Variants in LSAMP observed in about 807,000 individuals in gnomAD.
LSAMP encodes limbic system-associated membrane protein.
LSAMP carries 7 observed loss-of-function variants against 38.6 expected under a neutral mutation model. The ratio of observed to expected loss-of-function variants is 0.18; its 90% CI spans 0.10 to 0.34. The LOEUF (loss-of-function observed/expected upper bound fraction) is 0.34. Among genes scored for constraint, LSAMP ranks in the 10% least tolerant of loss-of-function variants. The pLI is 1.00. For missense variants in LSAMP, 313 were observed against 420.0 expected (o/e 0.75, Z 2.23); for synonymous variants, 154 against 166.8 (o/e 0.92, Z 0.59).
chr3:116,279,735 A>G (rs2047102459), intron 1 of LSAMP, among the ~76,000 whole-genome samples: 1 of 152,222 alleles, frequency 6.6e-6, no homozygotes, highest in Admixed American at 6.5e-5. Context: ...TTGAATTTTG[A>G]AAATCTGTTT....
At chr3:116,258,326 T>C (rs1388973241) in intron 1 of LSAMP, among the ~76,000 whole-genome samples, 1 of 151,064 alleles carries the variant, frequency 6.6e-6, no homozygotes, top group Non-Finnish European at 1.5e-5. Flanking sequence ...AAATATCTTT[T>C]ATTATCTGAG....
At chr3:116,073,271 G>C (rs979202595) in intron 2 of LSAMP, among the ~76,000 whole-genome samples, 3 of 152,110 alleles carry the variant, frequency 2.0e-5, no homozygotes, top group Admixed American at 6.5e-5. Flanking sequence ...CTATGTGTCT[G>C]TTTTTGTACC....
chr3:116,124,613 C>T (rs756847508), intron 1 of LSAMP, among the ~76,000 whole-genome samples: 6 of 152,092 alleles, frequency 3.9e-5, no homozygotes, highest in Non-Finnish European at 5.9e-5. Context: ...TTTGGGAAAA[C>T]GTTTCTGGGC....
intron 3 of LSAMP, among the ~76,000 whole-genome samples, chr3:115,913,154 A>G (rs533889058): frequency 6.6e-6 from 1 of 152,346 alleles, no homozygotes; most frequent in South Asian, 2.1e-4. Flanking sequence ...CCATAGCACA[A>G]GTCTATAGCG....
At chr3:116,375,702 G>A (rs978815655) in intron 1 of LSAMP, among the ~76,000 whole-genome samples, 4 of 151,848 alleles carry the variant, frequency 2.6e-5, no homozygotes, top group African/African-American at 9.7e-5. Context: ...AACATTTACA[G>A]TTGAGGATCA....
At chr3:116,199,391 A>G (rs1256384915) in intron 1 of LSAMP, among the ~76,000 whole-genome samples, 3 of 152,170 alleles carry the variant, frequency 2.0e-5, no homozygotes, top group Non-Finnish European at 4.4e-5. Context: ...CCTCTTTTAC[A>G]CTAGTATTAT....
rs1049525334 is a variant in LSAMP, at chr3:116,268,606, T to C, written c.155+176271A>G. 3.3e-5 allele frequency among the ~76,000 whole-genome samples: 5 copies of C among 152,248 alleles called. No individual in the cohort carries two copies. The East Asian group carries it at 5.8e-4, about 18-fold the overall frequency. On this transcript the variant is annotated intron_variant, in intron 1 of 6. Coordinates refer to ENST00000490035, the MANE Select transcript of LSAMP (RefSeq NM_002338.5). ...CACTTTTTGGTGAACTTGGCAAACATAGAGTCTCTCCCCCTTTGGTTAGAC... is the reference window on the plus strand; with the variant it reads ...CACTTTTTGGTGAACTTGGCAAACACAGAGTCTCTCCCCCTTTGGTTAGAC...
At chr3:116,034,342 C>A (rs1178056544) in intron 2 of LSAMP, among the ~76,000 whole-genome samples, 2 of 152,008 alleles carry the variant, frequency 1.3e-5, no homozygotes. Context: ...TGATTCTCAG[C>A]CCATATCTCT....
At chr3:116,418,855 C>T (rs1178709507) in intron 1 of LSAMP, among the ~76,000 whole-genome samples, 1 of 152,070 alleles carries the variant, frequency 6.6e-6, no homozygotes, top group Non-Finnish European at 1.5e-5. Context: ...CGCTTGAGCT[C>T]CCCCAGGTTT....
At chr3:116,080,067 C>T (rs937268017) in intron 2 of LSAMP, among the ~76,000 whole-genome samples, 3 of 152,022 alleles carry the variant, frequency 2.0e-5, no homozygotes, top group Non-Finnish European at 2.9e-5. Context: ...TATGATATTG[C>T]GTAAATCCAA....
intron 1 of LSAMP, among the ~76,000 whole-genome samples, chr3:116,157,706 TAATAAA>T (rs1395115228): frequency 2.0e-5 from 3 of 151,854 alleles, no homozygotes; most frequent in Non-Finnish European, 2.9e-5. Context: ...ACTGGATCAG[TAATAAA>T]AAGCCTACCA....
chr3:116,341,988 T>C (rs929109400), intron 1 of LSAMP, among the ~76,000 whole-genome samples: 44 of 151,986 alleles, frequency 2.9e-4, no homozygotes, highest in African/African-American at 1.1e-3. Flanking sequence ...GTAATTTCCC[T>C]CAGAGAAAAG....
At chr3:115,942,556 A>G (rs891516730) in intron 3 of LSAMP, among the ~76,000 whole-genome samples, 2 of 152,180 alleles carry the variant, frequency 1.3e-5, no homozygotes, top group East Asian at 3.8e-4. Context: ...TTGAACTGCA[A>G]TGTTTATAGT....
intron 2 of LSAMP, among the ~76,000 whole-genome samples, chr3:116,069,143 G>A (rs547225558): frequency 3.3e-5 from 5 of 152,136 alleles, no homozygotes; most frequent in East Asian, 3.9e-4. Context: ...CACAAAACAC[G>A]GACCCTAACA....
intron 1 of LSAMP, among the ~76,000 whole-genome samples, chr3:116,141,165 A>G (rs1174779938): frequency 6.6e-6 from 1 of 151,958 alleles, no homozygotes; most frequent in African/African-American, 2.4e-5. Context: ...GGTTACTTGA[A>G]ACTATATATA....
intron 1 of LSAMP, among the ~76,000 whole-genome samples, chr3:116,339,346 A>G (rs1162291184): frequency 6.6e-6 from 1 of 151,498 alleles, no homozygotes; most frequent in Non-Finnish European, 1.5e-5. Flanking sequence ...CGTGCTTTCC[A>G]GAGATGACTT....
intron 2 of LSAMP, among the ~76,000 whole-genome samples, chr3:116,074,539 T>C (rs1212964956): frequency 4.6e-5 from 7 of 152,198 alleles, no homozygotes; most frequent in African/African-American, 1.4e-4. Flanking sequence ...GATACAAATA[T>C]ATTTTAAAAC....
rs574194175 is a variant in LSAMP at position 116,164,780 on chromosome 3, A to G, written c.156-78224T>C. Among the ~76,000 whole-genome samples the G allele has an allele frequency of 9.6e-4, 117 of 122,066 alleles. 1 individual carries two copies. Among genetic ancestry groups the G allele is most frequent in the African/African-American group, 3.3e-3 (112 of 33,782 alleles). 80.1% of individuals were successfully genotyped at this position (122,066 alleles called of 152,430 possible). On this transcript the variant is annotated intron_variant, in intron 1 of 6. Coordinates refer to ENST00000490035, the MANE Select transcript of LSAMP (RefSeq NM_002338.5). ...TATATATTTTTTTTTTTTTTCAAGT[A>G]GCATCTAGCTTAGTAAGGCTGATGA...
At chr3:115,847,544 T>G (rs1935198484) in intron 4 of LSAMP, among the ~76,000 whole-genome samples, 1 of 152,184 alleles carries the variant, frequency 6.6e-6, no homozygotes, top group South Asian at 2.1e-4. Context: ...AATTGTGATC[T>G]CCATAATCCC....
Sources: gnomAD v4.1 joint callset for allele counts (sites outside exome capture counted in the v4.1 genomes callset) on GRCh38, gnomAD v4.1.1 for gene constraint, MANE v1.5 for transcripts, NCBI Gene and HGNC (gene_info 2026-07-23, HGNC 2026-07-21) for gene names.